CDH2: variants seen among roughly 807,000 people sequenced by gnomAD.
The protein encoded by CDH2 is cadherin 2.
CDH2 carries 17 observed loss-of-function variants against 92.0 expected under a neutral mutation model. The ratio of observed to expected loss-of-function variants is 0.18; its 90% CI spans 0.13 to 0.28. The LOEUF (loss-of-function observed/expected upper bound fraction) is 0.28. Ranked by LOEUF, CDH2 falls within the 10% of genes least tolerant of loss-of-function variation. The pLI is 1.00. For synonymous variants in CDH2, 419 were observed against 415.9 expected (o/e 1.01, Z -0.09); for missense variants, 862 against 1,133.1 (o/e 0.76, Z 3.44).
rs574491411 is a variant in CDH2 at position 28,135,242 on chromosome 18, G to A, written c.172+12431C>T. Among the ~76,000 whole-genome samples, 6 of 152,304 alleles carry A rather than the reference G, an allele frequency of 3.9e-5. No individual in the cohort carries two copies. The South Asian group carries it at 1.2e-3, about 32-fold the overall frequency. On this transcript the variant is annotated intron_variant, in intron 2 of 15. Transcript: ENST00000269141. ...TAAATAACCAATCTAAATGGCAAAG[G>A]TAAAGTGTCTCTTACAAATATCAAT... is the stretch of plus-strand genomic sequence containing the variant.
At chr18:27,977,445 G>T (rs530998557) in intron 14 of CDH2, among the ~76,000 whole-genome samples, 1 of 129,384 alleles carries the variant, frequency 7.7e-6, no homozygotes, top group Admixed American at 7.2e-5. Context: ...CCTTGACATA[G>T]AACTTATACA....
At chr18:28,039,420 T>C (rs1039778155) in intron 2 of CDH2, among the ~76,000 whole-genome samples, 1 of 152,154 alleles carries the variant, frequency 6.6e-6, no homozygotes, top group African/African-American at 2.4e-5. Flanking sequence ...TGATTTCGCA[T>C]ACAGGATCAT....
chr18:28,003,056 A>G lies in CDH2; in HGVS notation c.961T>C (p.Phe321Leu). 1 of 1,614,064 alleles carries G rather than the reference A, an allele frequency of 6.2e-7. No individual in the cohort carries two copies. The highest frequency in any genetic ancestry group is 1.6e-4 in the Middle Eastern group (1 of 6,062). The change falls in exon 7 of 16, where the codon TTT (phenylalanine) becomes CTT (leucine). Residue 321 changes from phenylalanine to leucine, a missense_variant. Physicochemically the swap from Phe to Leu is conservative, Grantham distance 22. Around this residue, in one of 5 missense-constraint regions of CDH2, gnomAD observed 564 missense variants for 722.2 expected, o/e 0.78. Coordinates refer to ENST00000269141, the MANE Select transcript of CDH2 (RefSeq NM_001792.5). ...QAPSTPSPNM[F>L]TINNETGDII... ...TCACCAGTCTCATTGTTGATTGTAA[A>G]CATGTTGGGTGAAGGGGTGCTTGGA...
At chr18:28,094,971 G>A (rs1013542751) in intron 2 of CDH2, among the ~76,000 whole-genome samples, 5 of 151,984 alleles carry the variant, frequency 3.3e-5, no homozygotes, top group Admixed American at 6.6e-5. Context: ...CATGTTATAT[G>A]ACATGTTATA....
chr18:28,099,536 T>C (rs1189642068), intron 2 of CDH2, among the ~76,000 whole-genome samples: 4 of 152,106 alleles, frequency 2.6e-5, no homozygotes, highest in African/African-American at 9.7e-5. Flanking sequence ...TCAATTAAAA[T>C]ATAAAATGTT....
intron 2 of CDH2, among the ~76,000 whole-genome samples, chr18:28,102,446 T>C (rs940871476): frequency 4.6e-5 from 7 of 152,238 alleles, no homozygotes; most frequent in African/African-American, 1.2e-4. Flanking sequence ...ATCCATATCC[T>C]TGCTTTCTGA....
In CDH2 at chr18:28,105,458, A is replaced by T. The variant is rs9635912; in HGVS notation, c.172+42215T>A. 2.2e-4 allele frequency among the ~76,000 whole-genome samples: 34 copies of T among 152,328 alleles called. 2 individuals are homozygous for T. The East Asian group carries it at 6.4e-3, about 28-fold the overall frequency. ...TGAATGAAACAAATTATTAACTATG[A>T]ATTTTACAGAGTTCTGGAATACTTC... is the stretch of plus-strand genomic sequence containing the variant. On this transcript the variant is annotated intron_variant, in intron 2 of 15. Coordinates refer to ENST00000269141, the MANE Select transcript of CDH2 (RefSeq NM_001792.5).
intron 2 of CDH2, among the ~76,000 whole-genome samples, chr18:28,069,586 C>T (rs1024087120): frequency 6.6e-6 from 1 of 152,236 alleles, no homozygotes. Flanking sequence ...TCCCTCAGAT[C>T]TTAAAAATAA....
chr18:27,963,071 GA>G (rs112964987), intron 15 of CDH2, among the ~76,000 whole-genome samples: 9 of 151,540 alleles, frequency 5.9e-5, no homozygotes, highest in East Asian at 5.8e-4. Context: ...TGTAATCTAG[GA>G]AAAAAAATCC....
chr18:27,941,873 A>G (rs1238871723), intron 6 of CDH2, among the ~76,000 whole-genome samples: 1 of 152,188 alleles, frequency 6.6e-6, no homozygotes, highest in African/African-American at 2.4e-5. Context: ...CTGTGTTTCC[A>G]AGTTTCCTGG....
chr18:28,106,954 TACTC>T (rs1308624837), intron 2 of CDH2, among the ~76,000 whole-genome samples: 1 of 152,118 alleles, frequency 6.6e-6, no homozygotes, highest in Non-Finnish European at 1.5e-5. Context: ...ATTAAATACA[TACTC>T]ACACACACAA....
intron 2 of CDH2, among the ~76,000 whole-genome samples, chr18:28,070,278 C>T (rs2014591124): frequency 6.6e-6 from 1 of 152,226 alleles, no homozygotes; most frequent in Non-Finnish European, 1.5e-5. Context: ...ACTACAACTA[C>T]CACCTTTATA....
At chr18:28,068,450 C>T (rs771057463) in intron 2 of CDH2, among the ~76,000 whole-genome samples, 28 of 152,288 alleles carry the variant, frequency 1.8e-4, no homozygotes, top group Non-Finnish European at 3.4e-4. Flanking sequence ...ACTCATGTCA[C>T]TATCAACACT....
intron 15 of CDH2, among the ~76,000 whole-genome samples, chr18:27,958,227 G>C (rs2011299432): frequency 6.6e-6 from 1 of 152,022 alleles, no homozygotes; most frequent in Non-Finnish European, 1.5e-5. Context: ...ACTTCTATAA[G>C]ACCATAATGA....
intron 2 of CDH2, among the ~76,000 whole-genome samples, chr18:28,019,792 T>C (rs1337944201): frequency 6.6e-6 from 1 of 152,160 alleles, no homozygotes; most frequent in Non-Finnish European, 1.5e-5. Context: ...AATATTAAAA[T>C]ACACAAAATC....
intron 2 of CDH2, among the ~76,000 whole-genome samples, chr18:28,055,511 T>G (rs1293923728): frequency 6.6e-6 from 1 of 152,194 alleles, no homozygotes; most frequent in Non-Finnish European, 1.5e-5. Context: ...GAAGAGTTAT[T>G]TGGAGACTGG....
At chr18:28,176,796 G>C (rs2016550025) in intron 1 of CDH2, among the ~76,000 whole-genome samples, 167 bp downstream of exon 1, 1 of 151,098 alleles carries the variant, frequency 6.6e-6, no homozygotes, top group Non-Finnish European at 1.5e-5. Context: ...CGCCCGGACG[G>C]AGCCCGATGC....
At chr18:28,050,283 A>G (rs1300983234) in intron 2 of CDH2, among the ~76,000 whole-genome samples, 2 of 151,874 alleles carry the variant, frequency 1.3e-5, no homozygotes, top group East Asian at 3.8e-4. Flanking sequence ...AAATTAAAAT[A>G]CAGACATTGC....
At chr18:28,089,703 T>C (rs2144208851) in intron 2 of CDH2, among the ~76,000 whole-genome samples, 1 of 152,342 alleles carries the variant, frequency 6.6e-6, no homozygotes, top group African/African-American at 2.4e-5. Flanking sequence ...CTGTAACTGG[T>C]TTTCTTAAAA....
Sources: gnomAD v4.1 joint callset for allele counts (sites outside exome capture counted in the v4.1 genomes callset) on GRCh38, gnomAD v4.1.1 for gene constraint, gnomAD v4.1.1 regional missense constraint, MANE v1.5 for transcripts, NCBI Gene and HGNC (gene_info 2026-07-23, HGNC 2026-07-21) for gene names.